Variants in CSMD1 observed in about 807,000 individuals in gnomAD.
CSMD1 encodes CUB and Sushi multiple domains 1.
CSMD1 carries 213 observed loss-of-function variants against 417.5 expected under a neutral mutation model. That is an observed-to-expected ratio of 0.51 (90% CI 0.46 to 0.57). CSMD1 has a LOEUF of 0.57. Ranked by LOEUF, CSMD1 falls within the 20% of genes least tolerant of loss-of-function variation. The pLI is 0.00. For missense variants in CSMD1, 6,923 were observed against 4,529.7 expected, an observed-to-expected ratio of 1.53 and a Z score of -15.17; for synonymous variants, 2,862 against 1,736.8, an observed-to-expected ratio of 1.65 and a Z score of -16.11.
At chr8:4,465,522 A>C (rs917175728) in intron 2 of CSMD1, among the ~76,000 whole-genome samples, 1 of 152,168 alleles carries the variant, frequency 6.6e-6, no homozygotes, top group African/African-American at 2.4e-5. Context: ...GGGGATATGG[A>C]AGCACATACA....
At chr8:3,378,219 T>A (rs868294210) in intron 18 of CSMD1, among the ~76,000 whole-genome samples, 1 of 152,168 alleles carries the variant, frequency 6.6e-6, no homozygotes, top group East Asian at 1.9e-4. Context: ...AATCCCTGAA[T>A]AGACCAAAAA....
At chr8:3,798,497 T>A (rs934238226) in intron 5 of CSMD1, among the ~76,000 whole-genome samples, 2 of 151,970 alleles carry the variant, frequency 1.3e-5, no homozygotes, top group African/African-American at 4.8e-5. Context: ...CTGCAGAAGG[T>A]CAAAAGGTGA....
chr8:2,976,275 C>G (rs1009178796), intron 55 of CSMD1, among the ~76,000 whole-genome samples: 1 of 151,818 alleles, frequency 6.6e-6, no homozygotes, highest in Admixed American at 6.6e-5. Flanking sequence ...CTTCACAGTG[C>G]TAAAACTGAA....
At chr8:4,470,508 G>A (rs777046963) in intron 2 of CSMD1, among the ~76,000 whole-genome samples, 5 of 152,188 alleles carry the variant, frequency 3.3e-5, no homozygotes, top group Admixed American at 6.5e-5. Context: ...ATCAAACACG[G>A]AATTCCTTAC....
chr8:3,387,660 G>T lies in CSMD1; in HGVS notation c.2616C>A (p.Ser872=). The T allele has an allele frequency of 6.3e-7, 1 of 1,598,552 alleles. No homozygotes were observed. The highest frequency in any genetic ancestry group is 8.5e-7 in the Non-Finnish European group (1 of 1,172,296). Reference sequence around the variant, plus strand: ...TCACAGGGATGCCCGGGTCCAGGCAGGAATCCGACTCAAGCGTCACACCTG... The same window carrying T: ...TCACAGGGATGCCCGGGTCCAGGCATGAATCCGACTCAAGCGTCACACCTG... ...HYESVTLESD[S]CLDPGIPVNG... The change falls in exon 18 of 70, where the codon TCC becomes TCA. Residue 872 remains serine, a synonymous_variant. Coordinates refer to ENST00000635120, the MANE Select transcript of CSMD1 (RefSeq NM_033225.6).
intron 1 of CSMD1, among the ~76,000 whole-genome samples, chr8:4,744,190 G>A (rs1413460130): frequency 6.6e-6 from 1 of 152,032 alleles, no homozygotes; most frequent in East Asian, 1.9e-4. Flanking sequence ...CAAACACAGG[G>A]ACTGACTGAC....
chr8:4,042,440 T>C (rs1340457158), intron 3 of CSMD1, among the ~76,000 whole-genome samples: 2 of 152,018 alleles, frequency 1.3e-5, no homozygotes, highest in African/African-American at 4.8e-5. Flanking sequence ...TCTAAATAAA[T>C]TTATATGACA....
intron 1 of CSMD1, among the ~76,000 whole-genome samples, chr8:4,840,141 C>G (rs1211308854): frequency 1.5e-4 from 1 of 6,564 alleles, no homozygotes; most frequent in Admixed American, 3.5e-3. Flanking sequence ...GCTGTGGACT[C>G]TTTAAGGCTG....
At chr8:4,146,329 G>T (rs1230132306) in intron 3 of CSMD1, among the ~76,000 whole-genome samples, 1 of 150,794 alleles carries the variant, frequency 6.6e-6, no homozygotes, top group Non-Finnish European at 1.5e-5. Flanking sequence ...CACATCCAAA[G>T]CAGGTGGATT....
chr8:4,628,372 G>GTA (rs1219202587), intron 2 of CSMD1, among the ~76,000 whole-genome samples: 1 of 147,838 alleles, frequency 6.8e-6, no homozygotes, highest in East Asian at 2.0e-4. Flanking sequence ...ATGTGTGTGT[G>GTA]TATATATACA....
intron 3 of CSMD1, among the ~76,000 whole-genome samples, chr8:4,254,197 G>A (rs563886433): frequency 2.0e-4 from 30 of 152,240 alleles, no homozygotes; most frequent in African/African-American, 6.7e-4. Flanking sequence ...GACTGCAGGT[G>A]TGAGCCACCA....
chr8:3,022,339 C>CGGAATGCACCCGCAATCCCACAGCATCT (rs1809505357), intron 51 of CSMD1, among the ~76,000 whole-genome samples: 1 of 150,646 alleles, frequency 6.6e-6, no homozygotes, highest in African/African-American at 2.4e-5. Context: ...CCACAGCATC[C>CGGAATGCACCCGCAATCCCACAGCATCT]GGAATGCACC....
chr8:3,792,918 G>T (rs1191804638), intron 5 of CSMD1, among the ~76,000 whole-genome samples: 6 of 152,122 alleles, frequency 3.9e-5, no homozygotes. Context: ...TACCGTTAGG[G>T]TCTTTTTCCT....
intron 5 of CSMD1, among the ~76,000 whole-genome samples, chr8:3,984,902 T>C (rs1345582836): frequency 1.3e-5 from 2 of 151,850 alleles, no homozygotes; most frequent in Non-Finnish European, 2.9e-5. Flanking sequence ...ACGAATACTT[T>C]ATTTCAAGCT....
chr8:3,052,670 T>C (rs1283623718), intron 49 of CSMD1, 23 bp from the exon 50 acceptor site: 1 of 1,528,302 alleles, frequency 6.5e-7, no homozygotes, highest in Admixed American at 2.0e-5. Flanking sequence ...GAAACAAATG[T>C]AGGCTTATTC....
intron 1 of CSMD1, among the ~76,000 whole-genome samples, chr8:4,795,529 T>C (rs947076289): frequency 6.6e-6 from 1 of 151,992 alleles, no homozygotes; most frequent in African/African-American, 2.4e-5. Flanking sequence ...TCCAAAGTTC[T>C]GGTATTGCAG....
chr8:3,130,114 T>C (rs76645199), intron 41 of CSMD1, among the ~76,000 whole-genome samples: 7,009 of 152,242 alleles, frequency 0.046, 253 homozygotes, highest in Middle Eastern at 0.075. Context: ...GGCATATAAT[T>C]ATGTTCTATT....
chr8:3,632,511 G>A (rs1796835823), intron 7 of CSMD1, among the ~76,000 whole-genome samples: 1 of 152,166 alleles, frequency 6.6e-6, no homozygotes, highest in Admixed American at 6.5e-5. Flanking sequence ...ATTGTGATGG[G>A]CGTTGAAGAT....
intron 5 of CSMD1, among the ~76,000 whole-genome samples, chr8:3,971,899 T>G (rs986862721): frequency 6.6e-6 from 1 of 152,196 alleles, no homozygotes; most frequent in African/African-American, 2.4e-5. Context: ...TTTGTTGACT[T>G]TTTTGTTCTT....
Sources: gnomAD v4.1 joint callset for allele counts (sites outside exome capture counted in the v4.1 genomes callset) on GRCh38, gnomAD v4.1.1 for gene constraint, MANE v1.5 for transcripts, NCBI Gene and HGNC (gene_info 2026-07-23, HGNC 2026-07-21) for gene names.